The following MAGI2 variants were observed in gnomAD, a reference collection of about 807,000 sequenced individuals.
MAGI2 encodes membrane-associated guanylate kinase, WW and PDZ domain-containing protein 2.
Under a neutral mutation model 133.3 loss-of-function variants are expected in MAGI2, and 35 were observed. The ratio of observed to expected loss-of-function variants is 0.26; its 90% confidence interval spans 0.20 to 0.35. The LOEUF (loss-of-function observed/expected upper bound fraction) is 0.35. Ranked by LOEUF, MAGI2 falls within the 10% of genes least tolerant of loss-of-function variation. The pLI, the probability that MAGI2 is intolerant of heterozygous loss-of-function variation, is 1.00. For synonymous variants in MAGI2, 729 were observed against 710.6 expected, an observed-to-expected ratio of 1.03 and a Z score of -0.41; for missense variants, 1,636 against 1,863.4, an observed-to-expected ratio of 0.88 and a Z score of 2.25.
intron 1 of MAGI2, among the ~76,000 whole-genome samples, chr7:79,135,417 C>G (rs6966617): frequency 0.64 from 98,006 of 152,008 alleles, 35,327 homozygotes; most frequent in Non-Finnish European, 0.82. Flanking sequence ...GACATATAAC[C>G]CTCTGGATAT....
intron 2 of MAGI2, among the ~76,000 whole-genome samples, chr7:78,826,285 C>T (rs976686440): frequency 3.7e-4 from 53 of 143,232 alleles, no homozygotes; most frequent in African/African-American, 1.2e-3. Context: ...ACCCGGGAGG[C>T]GGAGCTTGCA....
intron 1 of MAGI2, among the ~76,000 whole-genome samples, chr7:79,222,916 A>C (rs576940126): frequency 6.6e-6 from 1 of 151,650 alleles, no homozygotes; most frequent in South Asian, 2.1e-4. Context: ...ACGGAGTCTC[A>C]CTCTGTCGCC....
intron 1 of MAGI2, among the ~76,000 whole-genome samples, chr7:79,351,052 A>C (rs17152379): frequency 0.013 from 2,051 of 152,274 alleles, 53 homozygotes; most frequent in African/African-American, 0.047. Context: ...GTATCTTCAG[A>C]TTTGAAAATG....
chr7:78,408,386 T>C (rs753294356), intron 6 of MAGI2, among the ~76,000 whole-genome samples: 5 of 152,040 alleles, frequency 3.3e-5, no homozygotes, highest in Non-Finnish European at 5.9e-5. Context: ...ATCTACTCAT[T>C]GGTTTCTCTC....
At chr7:79,407,546 C>A (rs1845888225) in intron 1 of MAGI2, among the ~76,000 whole-genome samples, 1 of 152,072 alleles carries the variant, frequency 6.6e-6, no homozygotes. Flanking sequence ...TGTAGGCAAG[C>A]CACTTCACAT....
intron 1 of MAGI2, chr7:79,139,835 GACT>G (rs2129546084): frequency 6.6e-6 from 1 of 152,276 alleles, no homozygotes; most frequent in Non-Finnish European, 1.5e-5. Flanking sequence ...TAATCTCAAT[GACT>G]ACAAGATGCC....
intron 2 of MAGI2, among the ~76,000 whole-genome samples, chr7:78,794,226 T>C (rs1312554792): frequency 6.6e-6 from 1 of 152,216 alleles, no homozygotes. Context: ...GTGACAGCAC[T>C]GCCTGGTTAA....
chr7:79,275,452 T>G (rs541070356), intron 1 of MAGI2, among the ~76,000 whole-genome samples: 1 of 152,278 alleles, frequency 6.6e-6, no homozygotes, highest in Non-Finnish European at 1.5e-5. Context: ...GAAGAAAAGT[T>G]AGAAGCTAAC....
intron 1 of MAGI2, among the ~76,000 whole-genome samples, chr7:79,231,948 ATTATT>A: frequency 6.6e-6 from 1 of 152,238 alleles, no homozygotes; most frequent in East Asian, 1.9e-4. Context: ...GACAGCTCTT[ATTATT>A]TTGAGATACG....
chr7:78,694,437 T>A lies in MAGI2; in HGVS notation c.419-67198A>T, dbSNP rs1212900975. On this transcript the variant is annotated intron_variant, in intron 2 of 21. Transcript: ENST00000354212. The stretch of plus-strand genomic sequence containing the variant: ...AGTAGTCCTAGAATTAAGGATTTTC[T>A]TTCTGTCTCATTAAGGAACACAGTC... Among the ~76,000 whole-genome samples the A allele has an allele frequency of 1.3e-4, 20 of 152,312 alleles. No homozygotes were observed. The East Asian group carries it at 3.3e-3, about 25-fold the overall frequency.
At chr7:78,241,933 C>CA (rs57321733) in intron 10 of MAGI2, among the ~76,000 whole-genome samples, 5,601 of 130,352 alleles carry the variant, frequency 0.043, 207 homozygotes, top group African/African-American at 0.11. Flanking sequence ...GAACCCGTCT[C>CA]AAAAAAAAAA....
Position 78,790,213 on chromosome 7 carries a change from A to C in MAGI2, c.419-162974T>G, listed in dbSNP as rs372366055. ...AAATATTATAGTTATACATAATTAT[A>C]TGTATGAGTCTATCATACACATAGG... On this transcript the variant is annotated intron_variant, in intron 2 of 21. Coordinates refer to ENST00000354212, the MANE Select transcript of MAGI2 (RefSeq NM_012301.4). 8.1e-4 allele frequency among the ~76,000 whole-genome samples: 124 copies of C among 152,302 alleles called. 1 individual carries two copies. In the South Asian group the frequency reaches 0.025, roughly 31 times the overall value.
chr7:78,175,512 G>A (rs925025173), intron 14 of MAGI2, among the ~76,000 whole-genome samples: 5 of 152,146 alleles, frequency 3.3e-5, no homozygotes, highest in Non-Finnish European at 7.3e-5. Flanking sequence ...CTCCCTGTAA[G>A]TGATAAATCC....
At chr7:78,501,903 A>G in intron 4 of MAGI2, 116 bp from the exon 5 acceptor site, 2 of 708,910 alleles carry the variant, frequency 2.8e-6, no homozygotes, top group Non-Finnish European at 4.8e-6. Context: ...GAAGGCTAAC[A>G]GGAAACATTT....
intron 1 of MAGI2, among the ~76,000 whole-genome samples, chr7:79,228,694 G>T (rs552871253): frequency 2.6e-5 from 4 of 152,216 alleles, no homozygotes; most frequent in Admixed American, 1.3e-4. Flanking sequence ...GGTTGTGATT[G>T]TTTGGGCCAT....
chr7:78,649,222 T>TAAAAA (rs1361378575), intron 2 of MAGI2, among the ~76,000 whole-genome samples: 1,930 of 45,126 alleles, frequency 0.043, 161 homozygotes, highest in African/African-American at 0.13. Flanking sequence ...TGACTTGTGG[T>TAAAAA]AAAAAAAAAA....
At chr7:78,872,935 C>T (rs1223632257) in intron 2 of MAGI2, among the ~76,000 whole-genome samples, 1 of 151,864 alleles carries the variant, frequency 6.6e-6, no homozygotes, top group Non-Finnish European at 1.5e-5. Flanking sequence ...ACTGTGAAAA[C>T]AAGTACAAAA....
chr7:78,576,343 G>A (rs1802264184), intron 3 of MAGI2, among the ~76,000 whole-genome samples: 1 of 152,174 alleles, frequency 6.6e-6, no homozygotes, highest in Non-Finnish European at 1.5e-5. Context: ...CCTTTGAGGA[G>A]ATTTTAAAAG....
At chr7:78,043,627 G>T (rs1438355553) in intron 21 of MAGI2, among the ~76,000 whole-genome samples, 1 of 152,204 alleles carries the variant, frequency 6.6e-6, no homozygotes, top group Non-Finnish European at 1.5e-5. Flanking sequence ...AAGCTTGAAT[G>T]AGTCGAGCGA....
Sources: allele counts gnomAD v4.1 joint callset (sites outside exome capture counted in the v4.1 genomes callset), GRCh38; gene constraint gnomAD v4.1.1; transcripts MANE v1.5; gene names NCBI Gene and HGNC (gene_info 2026-07-23, HGNC 2026-07-21).